Variants in KIF26B observed in about 807,000 individuals in gnomAD.
KIF26B encodes the protein kinesin-like protein KIF26B.
Under a neutral mutation model 151.2 loss-of-function variants are expected in KIF26B, and 63 were observed. That is an observed-to-expected ratio of 0.42 (90% CI 0.34 to 0.51). KIF26B has a LOEUF of 0.51. Among genes scored for constraint, KIF26B ranks in the 20% least tolerant of loss-of-function variants. KIF26B has a pLI of 0.07. For missense variants in KIF26B, 2,813 were observed against 2,913.6 expected (o/e 0.97, Z 0.79); for synonymous variants, 1,357 against 1,262.1 (o/e 1.08, Z -1.59).
At position 245,609,305 on chromosome 1, in the gene KIF26B, A is replaced by T. The variant is rs1367408022; in HGVS notation, c.1691A>T (p.Gln564Leu). Residue 564 changes from glutamine to leucine, a missense_variant, in exon 8 of 15, where the codon CAG (glutamine) becomes CTG (leucine). Physicochemically the swap from Gln to Leu is moderately radical, Grantham distance 113. Transcript: ENST00000407071. The part of the protein sequence containing the change: ...YTMIGKDDSM[Q>L]NLGIIPCAIS... ...ATGATCGGAAAGGATGATTCCATGC[A>T]GAACCTGGGCATCATTCCCTGTGCC... 1 of 1,610,886 alleles carries T rather than the reference A, an allele frequency of 6.2e-7. No homozygotes were observed. The highest frequency in any genetic ancestry group is 1.3e-5 in the African/African-American group (1 of 75,014).
At chr1:245,486,349 A>G (rs1111815) in intron 4 of KIF26B, among the ~76,000 whole-genome samples, 88,116 of 151,842 alleles carry the variant, frequency 0.58, 26,933 homozygotes, top group East Asian at 0.71. Context: ...TTCAGGAAAG[A>G]AGAAGTTTCA....
chr1:245,693,105 C>T (rs1040929751), intron 12 of KIF26B, among the ~76,000 whole-genome samples: 11 of 152,232 alleles, frequency 7.2e-5, no homozygotes, highest in African/African-American at 2.7e-4. Flanking sequence ...ATTTCACCCT[C>T]ATCCTGGTGT....
At chr1:245,535,680 T>G (rs1661474007) in intron 4 of KIF26B, among the ~76,000 whole-genome samples, 1 of 152,246 alleles carries the variant, frequency 6.6e-6, no homozygotes, top group Non-Finnish European at 1.5e-5. Flanking sequence ...CTTATACTTA[T>G]CAAGCTAAAG....
At chr1:245,467,756 A>G (rs1659826781) in intron 4 of KIF26B, among the ~76,000 whole-genome samples, 2 of 152,190 alleles carry the variant, frequency 1.3e-5, no homozygotes, top group Admixed American at 1.3e-4. Context: ...TTAGTTGGCC[A>G]TGGCGGTGTG....
chr1:245,330,269 C>T (rs531052956), intron 2 of KIF26B, among the ~76,000 whole-genome samples: 3 of 148,210 alleles, frequency 2.0e-5, no homozygotes, highest in South Asian at 4.5e-4. Flanking sequence ...GGCTGCAGAG[C>T]GTGTGGGCTG....
intron 4 of KIF26B, among the ~76,000 whole-genome samples, chr1:245,492,531 G>A (rs1172411677): frequency 6.6e-6 from 1 of 152,180 alleles, no homozygotes; most frequent in African/African-American, 2.4e-5. Flanking sequence ...CATTACAGTA[G>A]TTCACATGAT....
chr1:245,330,362 G>A (rs1036764274), intron 2 of KIF26B, among the ~76,000 whole-genome samples: 1 of 76,504 alleles, frequency 1.3e-5, no homozygotes, highest in African/African-American at 6.6e-5. Context: ...AGAAGGCCAT[G>A]GACAGGCAGG....
At chr1:245,474,037 T>C (rs991557429) in intron 4 of KIF26B, among the ~76,000 whole-genome samples, 5 of 151,726 alleles carry the variant, frequency 3.3e-5, no homozygotes, top group Non-Finnish European at 5.9e-5. Flanking sequence ...AGTTCTTCTG[T>C]TCTAGCTATT....
chr1:245,235,515 C>T (rs996605672), intron 2 of KIF26B, among the ~76,000 whole-genome samples: 4 of 151,890 alleles, frequency 2.6e-5, no homozygotes, highest in African/African-American at 7.3e-5. Flanking sequence ...ATCGCTTGAG[C>T]CTAAGAGTTT....
chr1:245,483,874 G>T (rs191938873), intron 4 of KIF26B, among the ~76,000 whole-genome samples: 1 of 151,758 alleles, frequency 6.6e-6, no homozygotes, highest in African/African-American at 2.4e-5. Context: ...GCTTCTCCTC[G>T]TTCTTTTCTA....
At chr1:245,250,192 A>G (rs1393253185) in intron 2 of KIF26B, among the ~76,000 whole-genome samples, 2 of 152,114 alleles carry the variant, frequency 1.3e-5, no homozygotes, top group Non-Finnish European at 2.9e-5. Flanking sequence ...CTTAGAGATA[A>G]CCAAAATTAG....
chr1:245,198,445 G>A (rs577827697), intron 2 of KIF26B, among the ~76,000 whole-genome samples: 12 of 149,714 alleles, frequency 8.0e-5, no homozygotes, highest in Non-Finnish European at 1.6e-4. Flanking sequence ...TGCTTGGCTG[G>A]GTGCGGTGGC....
chr1:245,192,206 G>A (rs1166345119), intron 2 of KIF26B, among the ~76,000 whole-genome samples: 1 of 152,072 alleles, frequency 6.6e-6, no homozygotes, highest in Non-Finnish European at 1.5e-5. Flanking sequence ...ATGCTGTGTG[G>A]TCTCTTAAAA....
chr1:245,671,024 C>G (rs1267529274), intron 10 of KIF26B, among the ~76,000 whole-genome samples: 1 of 152,108 alleles, frequency 6.6e-6, no homozygotes, highest in Non-Finnish European at 1.5e-5. Flanking sequence ...CTCTGGTAAC[C>G]ATCCTTCTAC....
At position 245,521,913 on chromosome 1, in the gene KIF26B, TGG is replaced by T. The variant is rs1558198100; in HGVS notation, c.1167-18853_1167-18852del. Among the ~76,000 whole-genome samples, 6 of 107,160 alleles carry T rather than the reference TGG, an allele frequency of 5.6e-5. No individual in the cohort carries two copies. The East Asian group carries it at 1.1e-3, about 20-fold the overall frequency. The allele number at this position is 107,160 out of a possible 152,430, so 70.3% of individuals were successfully genotyped here. ...TGGAGTCTTGCTCTGTCACCCAGGCTGGATGGAGTGCAGTGGTGCGATCTCGG... is the reference window on the plus strand; with the variant it reads ...TGGAGTCTTGCTCTGTCACCCAGGCTATGGAGTGCAGTGGTGCGATCTCGG... On this transcript the variant is annotated intron_variant, in intron 4 of 14. Coordinates refer to ENST00000407071, the MANE Select transcript of KIF26B (RefSeq NM_018012.4).
intron 4 of KIF26B, among the ~76,000 whole-genome samples, chr1:245,431,167 G>A (rs1273001597): frequency 6.6e-6 from 1 of 152,100 alleles, no homozygotes; most frequent in African/African-American, 2.4e-5. Flanking sequence ...GCTATAGGGG[G>A]AAGCTTTTGG....
intron 11 of KIF26B, among the ~76,000 whole-genome samples, chr1:245,684,638 C>T (rs938371907): frequency 1.3e-5 from 2 of 152,200 alleles, no homozygotes; most frequent in Non-Finnish European, 2.9e-5. Flanking sequence ...GACCCCTGAC[C>T]GGAAGCACTT....
chr1:245,454,185 T>G (rs1200942021), intron 4 of KIF26B, among the ~76,000 whole-genome samples: 1 of 152,228 alleles, frequency 6.6e-6, no homozygotes, highest in African/African-American at 2.4e-5. Context: ...GCTGTTTTAC[T>G]GCACTATACA....
At chr1:245,615,233 C>T (rs945615938) in intron 9 of KIF26B, 3 of 152,156 alleles carry the variant, frequency 2.0e-5, no homozygotes, top group Non-Finnish European at 2.9e-5. Flanking sequence ...AAGAGTGACT[C>T]GCAAAACATC....
Sources: allele counts gnomAD v4.1 joint callset (sites outside exome capture counted in the v4.1 genomes callset), GRCh38; gene constraint gnomAD v4.1.1; transcripts MANE v1.5; gene names NCBI Gene and HGNC (gene_info 2026-07-23, HGNC 2026-07-21).